Variants in ITGA11 observed in about 807,000 individuals in gnomAD.
ITGA11 encodes integrin subunit alpha 11.
ITGA11 carries 97 observed loss-of-function variants against 141.9 expected under a neutral mutation model. That is an observed-to-expected ratio of 0.68 (90% CI 0.58 to 0.81). The LOEUF (loss-of-function observed/expected upper bound fraction) is 0.81, where lower values mean the gene tolerates loss of function less well. Among genes scored for constraint, ITGA11 ranks in the 30% least tolerant of loss-of-function variants. ITGA11 has a pLI of 0.00. For synonymous variants in ITGA11, 658 were observed against 624.6 expected (o/e 1.05, Z -0.80); for missense variants, 1,387 against 1,559.2 (o/e 0.89, Z 1.86).
At chr15:68,361,018 G>A (rs947404072) in intron 5 of ITGA11, among the ~76,000 whole-genome samples, 4 of 152,090 alleles carry the variant, frequency 2.6e-5, no homozygotes, top group Non-Finnish European at 2.9e-5. Flanking sequence ...TGGGAGGCAG[G>A]GTCTGAGCAG....
intron 1 of ITGA11, among the ~76,000 whole-genome samples, chr15:68,409,064 T>C (rs1402771507): frequency 2.0e-5 from 3 of 152,244 alleles, no homozygotes; most frequent in African/African-American, 7.2e-5. Flanking sequence ...CTTGGTTGAA[T>C]TGAACTGGAT....
chr15:68,392,695 G>A (rs189600405), intron 2 of ITGA11, among the ~76,000 whole-genome samples: 1 of 152,170 alleles, frequency 6.6e-6, no homozygotes, highest in Non-Finnish European at 1.5e-5. Flanking sequence ...GGAGGAAGGT[G>A]TTGGGGTTCA....
chr15:68,427,445 G>A (rs1028389657), intron 1 of ITGA11, among the ~76,000 whole-genome samples: 4 of 152,106 alleles, frequency 2.6e-5, no homozygotes, highest in South Asian at 4.1e-4. Context: ...ATTTGCATCC[G>A]GGCAGTCTAG....
chr15:68,428,103 C>CT (rs1897187345), intron 1 of ITGA11, among the ~76,000 whole-genome samples: 1 of 152,182 alleles, frequency 6.6e-6, no homozygotes, highest in Admixed American at 6.5e-5. Flanking sequence ...AAAGTAAGCT[C>CT]TGGAAGCCCA....
chr15:68,302,098 GTGTGTGTGTGTGTGTGTA>G lies in ITGA11; in HGVS notation c.*943_*960del. The G allele has an allele frequency of 1.0e-5, 1 of 97,526 alleles. No homozygotes were observed. The highest frequency in any genetic ancestry group is 2.4e-4 in the South Asian group (1 of 4,130). 6.0% of individuals were successfully genotyped at this position (97,526 alleles called of 1,614,324 possible). A position where few individuals can be genotyped will look rare whatever the true frequency, so the allele number is the denominator to read the frequency against. On this transcript the variant is annotated 3_prime_UTR_variant, in exon 30 of 30. Coordinates refer to ENST00000315757, the MANE Select transcript of ITGA11 (RefSeq NM_001004439.2). ...TGTGTGTGTGTGTGTGTGTGTGTGTGTGTGTGTGTGTGTGTGTAGGGAGGGGGTGATACAGGGAGGGGA... is the reference window on the plus strand; with the variant it reads ...TGTGTGTGTGTGTGTGTGTGTGTGTGGGGAGGGGGTGATACAGGGAGGGGA...
intron 2 of ITGA11, among the ~76,000 whole-genome samples, chr15:68,380,289 C>G (rs75597035): frequency 6.6e-6 from 1 of 152,168 alleles, no homozygotes; most frequent in Non-Finnish European, 1.5e-5. Flanking sequence ...ATGTTCATGG[C>G]TATCTCTAAC....
chr15:68,348,715 G>A, intron 10 of ITGA11, 115 bp downstream of exon 10: 2 of 872,550 alleles, frequency 2.3e-6, no homozygotes, highest in Non-Finnish European at 3.7e-6. Context: ...AGAAAGTGAG[G>A]AGAAGAGCCA....
At chr15:68,311,197 G>C (rs1893370123) in intron 25 of ITGA11, 93 bp downstream of exon 25, 1 of 1,263,228 alleles carries the variant, frequency 7.9e-7, no homozygotes, top group Non-Finnish European at 1.1e-6. Context: ...TGGGAGAAGG[G>C]AGCTGGGGTC....
chr15:68,430,750 C>T (rs1175247161), intron 1 of ITGA11, among the ~76,000 whole-genome samples: 1 of 152,204 alleles, frequency 6.6e-6, no homozygotes, highest in African/African-American at 2.4e-5. Context: ...TTCCAAGCCC[C>T]CACAACTCAA....
At chr15:68,419,397 C>G (rs566526676) in intron 1 of ITGA11, among the ~76,000 whole-genome samples, 21 of 152,136 alleles carry the variant, frequency 1.4e-4, no homozygotes, top group Non-Finnish European at 2.4e-4. Flanking sequence ...GGATGCAAGC[C>G]TAGAGTGGCC....
chr15:68,331,785 G>A, intron 14 of ITGA11, 74 bp downstream of exon 14: 2 of 1,272,664 alleles, frequency 1.6e-6, no homozygotes, highest in Admixed American at 2.0e-5. Flanking sequence ...ACCAGATGAG[G>A]CACAGAAGCT....
Position 68,312,793 on chromosome 15 carries a change from G to T in ITGA11, c.2953C>A (p.Pro985Thr). 1 of 1,613,530 alleles carries T rather than the reference G, an allele frequency of 6.2e-7. No homozygotes were observed. The highest frequency in any genetic ancestry group is 1.7e-5 in the Admixed American group (1 of 60,018). ...CTCACCCTGAAGATGCAGCTGAAGG[G>T]AGGCCCGATACCATCGTATCTCTCC... ...SLERYDGIGPPFSCIFRIQNL... is the reference protein window; with the variant it reads ...SLERYDGIGPTFSCIFRIQNL... Residue 985 changes from proline (P) to threonine (T), a missense_variant, in exon 24 of 30, where the codon CCC becomes ACC. Coordinates refer to ENST00000315757, the MANE Select transcript of ITGA11 (RefSeq NM_001004439.2).
chr15:68,331,790 G>A, intron 14 of ITGA11, 69 bp downstream of exon 14: 1 of 1,353,200 alleles, frequency 7.4e-7, no homozygotes, highest in South Asian at 1.3e-5. Context: ...ATGAGGCACA[G>A]AAGCTCCTGG....
chr15:68,407,017 C>A (rs961915014), intron 1 of ITGA11, among the ~76,000 whole-genome samples: 1 of 152,160 alleles, frequency 6.6e-6, no homozygotes, highest in South Asian at 2.1e-4. Flanking sequence ...GTGATGTGTT[C>A]TCTTCCCTCC....
chr15:68,404,756 C>G (rs938315573), intron 1 of ITGA11, among the ~76,000 whole-genome samples: 2 of 152,192 alleles, frequency 1.3e-5, no homozygotes, highest in African/African-American at 4.8e-5. Flanking sequence ...GATACCCATC[C>G]ACACTTGGGA....
intron 4 of ITGA11, among the ~76,000 whole-genome samples, chr15:68,363,759 G>A (rs148757203): frequency 1.3e-5 from 2 of 152,214 alleles, no homozygotes; most frequent in South Asian, 2.1e-4. Context: ...CCCAAGCATC[G>A]CCCATACTCA....
intron 4 of ITGA11, among the ~76,000 whole-genome samples, chr15:68,364,272 G>A (rs1245971791): frequency 2.0e-5 from 3 of 152,102 alleles, no homozygotes; most frequent in Non-Finnish European, 2.9e-5. Flanking sequence ...TCCCTTCCAA[G>A]TCTTCTTTGG....
chr15:68,391,461 C>G lies in ITGA11; in HGVS notation c.164+11457G>C, dbSNP rs113726581. Among the ~76,000 whole-genome samples the G allele has an allele frequency of 6.6e-3, 1,007 of 152,340 alleles. 7 individuals carry two copies. The highest frequency in any genetic ancestry group is 0.01 in the Non-Finnish European group (710 of 68,032). On this transcript the variant is annotated intron_variant, in intron 2 of 29. Transcript: ENST00000315757. The stretch of plus-strand genomic sequence containing the variant: ...GGAGCATTTCCAGAGACCCCAGGCA[C>G]AGTGATTTCTCCTTTCAGAGTCTGG...
chr15:68,362,845 T>G (rs900347724), intron 4 of ITGA11, among the ~76,000 whole-genome samples: 1 of 152,054 alleles, frequency 6.6e-6, no homozygotes, highest in Non-Finnish European at 1.5e-5. Flanking sequence ...GGATGATGGA[T>G]GGATAGATGA....
Sources: allele counts gnomAD v4.1 joint callset (sites outside exome capture counted in the v4.1 genomes callset), GRCh38; gene constraint gnomAD v4.1.1; transcripts MANE v1.5; gene names NCBI Gene and HGNC (gene_info 2026-07-23, HGNC 2026-07-21).